Variants in ABRAXAS1 observed in about 807,000 individuals in gnomAD.
ABRAXAS1 encodes abraxas 1, BRCA1 A complex subunit, also known as BRCA1-A complex subunit Abraxas 1.
A neutral mutation model predicts 38.4 loss-of-function variants in ABRAXAS1; 26 were observed. That is an observed-to-expected ratio of 0.68 (90% CI 0.50 to 0.94). The LOEUF (loss-of-function observed/expected upper bound fraction) is 0.94. Ranked by LOEUF, ABRAXAS1 falls within the 40% of genes least tolerant of loss-of-function variation. The probability of loss-of-function intolerance (pLI) is 0.00; values close to 1 mark genes in which losing one functional copy is unlikely to be tolerated. For missense variants in ABRAXAS1, 438 were observed against 481.9 expected, an observed-to-expected ratio of 0.91 and a Z score of 0.85; for synonymous variants, 144 against 165.5, an observed-to-expected ratio of 0.87 and a Z score of 1.00.
At position 83,462,453 on chromosome 4, in the gene ABRAXAS1, T is replaced by C. The variant is rs1560570374; in HGVS notation, c.*16A>G. On this transcript the variant is annotated 3_prime_UTR_variant, in exon 9 of 9. Transcript: ENST00000321945. ...CATCAGCCAAATAAAAAAATCTCCT[T>C]GTAAGGTTAAAAGGATCAAAATGTA... 9 of 1,581,108 alleles carry C rather than the reference T, an allele frequency of 5.7e-6. No individual in the cohort carries two copies. The highest frequency in any genetic ancestry group is 1.7e-4 in the Middle Eastern group (1 of 5,904).
chr4:83,467,293 C>A, intron 7 of ABRAXAS1, 161 bp downstream of exon 7: 1 of 529,316 alleles, frequency 1.9e-6, no homozygotes, highest in Non-Finnish European at 3.3e-6. Flanking sequence ...AATGATAAAA[C>A]TGCCTAATGA....
At chr4:83,474,672 C>T (rs1722702833) in intron 3 of ABRAXAS1, among the ~76,000 whole-genome samples, 1 of 150,976 alleles carries the variant, frequency 6.6e-6, no homozygotes, top group Admixed American at 6.6e-5. Context: ...CGAGATTGCG[C>T]CACTGCACTC....
In ABRAXAS1 at chr4:83,474,069, G is replaced by C. The variant is rs959556752; in HGVS notation, c.216-1781C>G. On this transcript the variant is annotated intron_variant, in intron 3 of 8. Coordinates refer to ENST00000321945, the MANE Select transcript of ABRAXAS1 (RefSeq NM_139076.3). ...AGGTGGGAGAATCGCTTGAACCTGGGAGTTGGGAAGCTGCAGTGAACTGAG... is the reference window on the plus strand; with the variant it reads ...AGGTGGGAGAATCGCTTGAACCTGGCAGTTGGGAAGCTGCAGTGAACTGAG... Among the ~76,000 whole-genome samples the C allele has an allele frequency of 1.9e-4, 29 of 151,542 alleles. 2 individuals are homozygous for C. The highest frequency in any genetic ancestry group is 4.4e-5 in the Non-Finnish European group (3 of 67,934).
chr4:83,468,919 C>T, intron 6 of ABRAXAS1, 113 bp downstream of exon 6: 1 of 1,250,810 alleles, frequency 8.0e-7, no homozygotes, highest in Non-Finnish European at 1.1e-6. Flanking sequence ...GCCTAGTTTA[C>T]TTGAGTAATG....
At chr4:83,464,534 T>A (rs908794793) in intron 7 of ABRAXAS1, among the ~76,000 whole-genome samples, 1 of 152,210 alleles carries the variant, frequency 6.6e-6, no homozygotes, top group Non-Finnish European at 1.5e-5. Context: ...GCAACTAATT[T>A]CCAACTGTAG....
intron 4 of ABRAXAS1, 117 bp from the exon 5 acceptor site, chr4:83,470,513 G>T: frequency 4.4e-6 from 3 of 687,736 alleles, no homozygotes; most frequent in South Asian, 5.5e-5. Flanking sequence ...AGAAAGATTT[G>T]GGGCATATAT....
In ABRAXAS1 at chr4:83,462,806, A is replaced by T. The variant is rs1230462780; in HGVS notation, c.893T>A (p.Val298Asp). Residue 298 changes from valine to aspartate, a missense_variant, in exon 9 of 9, where the codon GTT (valine) becomes GAT (aspartate). Transcript: ENST00000321945. ...FPNSEFLHSC[V>D]MSLKNRHVSK... Reference sequence around the variant, plus strand: ...AACATGTCTATTTTTTAAAGACATAACACATGAATGAAGAAATTCAGAATT... The same window carrying T: ...AACATGTCTATTTTTTAAAGACATATCACATGAATGAAGAAATTCAGAATT... 1 of 1,612,924 alleles carries T rather than the reference A, an allele frequency of 6.2e-7. No homozygotes were observed.
chr4:83,477,202 T>G (rs1045700810), intron 2 of ABRAXAS1, among the ~76,000 whole-genome samples: 1 of 152,224 alleles, frequency 6.6e-6, no homozygotes, highest in South Asian at 2.1e-4. Context: ...AGCTTAGCAC[T>G]GTACCTAATA....
rs1272488854 is a variant in ABRAXAS1, at chr4:83,482,098, A to G, written c.178+56T>C. 8.0e-6 allele frequency: 9 copies of G among 1,129,198 alleles called. No homozygotes were observed. In the Admixed American group the frequency reaches 1.6e-4, roughly 20 times the overall value. The allele number at this position is 1,129,198 out of a possible 1,614,324, so 69.9% of individuals were successfully genotyped here. On this transcript the variant is annotated intron_variant, in intron 2 of 8. Coordinates refer to ENST00000321945, the MANE Select transcript of ABRAXAS1 (RefSeq NM_139076.3). ...TTTACGCTGACCCCTTTCAGCATAA[A>G]CTATCAAATATAGGAGACACAGATG...
At chr4:83,483,489 C>A (rs1723066806) in intron 1 of ABRAXAS1, among the ~76,000 whole-genome samples, 1 of 152,040 alleles carries the variant, frequency 6.6e-6, no homozygotes, top group South Asian at 2.1e-4. Context: ...CCTTATGTTG[C>A]CCACGCTGGT....
rs1722066382 is a variant in ABRAXAS1 at position 83,460,783 on chromosome 4, G to A, written c.*1686C>T. 3.6e-6 allele frequency: 2 copies of A among 554,502 alleles called. No homozygotes were observed. The highest frequency in any genetic ancestry group is 1.9e-5 in the African/African-American group (1 of 52,614). The allele number at this position is 554,502 out of a possible 1,614,324, so 34.3% of individuals were successfully genotyped here. A position where few individuals can be genotyped will look rare whatever the true frequency, so the allele number is the denominator to read the frequency against. Reference sequence around the variant, plus strand: ...TATCCGGGTGTGGCGGTGCATGCCTGTAATTCCAGTTACTAAGGAGGCTGA... The same window carrying A: ...TATCCGGGTGTGGCGGTGCATGCCTATAATTCCAGTTACTAAGGAGGCTGA... On this transcript the variant is annotated 3_prime_UTR_variant, in exon 9 of 9. Coordinates refer to ENST00000321945, the MANE Select transcript of ABRAXAS1 (RefSeq NM_139076.3).
In ABRAXAS1 at chr4:83,463,529, A is replaced by G. The variant is rs369385726; in HGVS notation, c.761T>C (p.Ile254Thr). 8.1e-6 allele frequency: 13 copies of G among 1,611,076 alleles called. No individual in the cohort carries two copies. In the African/African-American group the frequency reaches 1.6e-4, roughly 20 times the overall value. The change falls in exon 8 of 9, where the codon ATT (isoleucine) becomes ACT (threonine). Residue 254 changes from isoleucine (I) to threonine (T), a missense_variant. By Grantham distance (89) the Ile-to-Thr change is moderately conservative. Coordinates refer to ENST00000321945, the MANE Select transcript of ABRAXAS1 (RefSeq NM_139076.3). ...VKDVNRLKRE[I>T]EKRRGAQIQA... ...AATCTGTGCTCCTCTCCTTTTCTCA[A>G]TTTCTCGTTTTAATCTGTTTACATC...
At chr4:83,463,878 G>T in intron 7 of ABRAXAS1, 1 of 207,676 alleles carries the variant, frequency 4.8e-6, no homozygotes, top group Non-Finnish European at 9.5e-6. Context: ...AAAATATACA[G>T]AAATAAACTG....
Position 83,485,077 on chromosome 4 carries a change from C to T in ABRAXAS1, c.-5G>A, listed in dbSNP as rs1420806723. ...CGACGTACTCTCCCCCTCCATGCTACCGCCGCCTCAGGCTACACAAGAGGA... is the reference window on the plus strand; with the variant it reads ...CGACGTACTCTCCCCCTCCATGCTATCGCCGCCTCAGGCTACACAAGAGGA... On this transcript the variant is annotated 5_prime_UTR_variant, in exon 1 of 9. Transcript: ENST00000321945. The T allele has an allele frequency of 6.3e-7, 1 of 1,585,686 alleles. No individual in the cohort carries two copies. The highest frequency in any genetic ancestry group is 1.7e-5 in the Admixed American group (1 of 57,784).
In ABRAXAS1 at chr4:83,462,560, T is replaced by C. The variant is rs587780264; in HGVS notation, c.1139A>G (p.Asp380Gly). The C allele has an allele frequency of 8.1e-5, 130 of 1,614,066 alleles. No individual in the cohort carries two copies. The highest frequency in any genetic ancestry group is 1.1e-4 in the Non-Finnish European group (127 of 1,180,036). The change falls in exon 9 of 9, where the codon GAT (aspartate) becomes GGT (glycine). Residue 380 changes from aspartate to glycine, a missense_variant. Physicochemically the swap from Asp to Gly is moderately conservative, Grantham distance 94 (BLOSUM62 -1). Around this residue, in one of 3 missense-constraint regions of ABRAXAS1, gnomAD observed 184 missense variants for 181.9 expected, o/e 1.01. Coordinates refer to ENST00000321945, the MANE Select transcript of ABRAXAS1 (RefSeq NM_139076.3). ...TGGGCTGCTCATTTTGGATGCTTTA[T>C]CTTGGTTACTACTACCAGTATCTGC... is the stretch of plus-strand genomic sequence containing the variant. Reference protein sequence around the residue: ...SKADTGSSNQDKASKMSSPET... With the variant: ...SKADTGSSNQGKASKMSSPET...
At position 83,472,283 on chromosome 4, in the gene ABRAXAS1, T is replaced by C; in HGVS notation, c.221A>G (p.Tyr74Cys). Residue 74 changes from tyrosine (Y) to cysteine (C), a missense_variant, in exon 4 of 9, where the codon TAT (tyrosine) becomes TGT (cysteine). This residue lies in a region of ABRAXAS1 where 194 missense variants were observed against 269.0 expected (regional missense o/e 0.72). Transcript: ENST00000321945. ...YIPCYQLFSFYNSSGEVNEQA... is the reference protein window; with the variant it reads ...YIPCYQLFSFCNSSGEVNEQA... ...CTCATTTACTTCGCCTGAAGAATTATAAAAGCTGTAAAAGCCAAAATTAAA... is the reference window on the plus strand; with the variant it reads ...CTCATTTACTTCGCCTGAAGAATTACAAAAGCTGTAAAAGCCAAAATTAAA... 2 of 1,496,868 alleles carry C rather than the reference T, an allele frequency of 1.3e-6. No homozygotes were observed. The highest frequency in any genetic ancestry group is 2.0e-4 in the Middle Eastern group (1 of 5,054). The allele number at this position is 1,496,868 out of a possible 1,614,324, so 92.7% of individuals were successfully genotyped here.
chr4:83,476,515 C>G, intron 3 of ABRAXAS1, 128 bp downstream of exon 3: 1 of 544,350 alleles, frequency 1.8e-6, no homozygotes, highest in Non-Finnish European at 3.2e-6. Context: ...TTAAAAAAAA[C>G]TTTCCATTCT....
Position 83,467,455 on chromosome 4 carries a change from T to G in ABRAXAS1, c.680A>C (p.Lys227Thr), listed in dbSNP as rs149091407. Residue 227 changes from lysine to threonine, a missense_variant and splice_region_variant, in exon 7 of 9, where the codon AAG becomes ACG. Coordinates refer to ENST00000321945, the MANE Select transcript of ABRAXAS1 (RefSeq NM_139076.3). ...EMYASLQEEL[K>T]SICKKVEDSE... Reference sequence around the variant, plus strand: ...GACGTGTTTGATATGTTAACTTACCTTTAATTCCTCTTGTAATGAAGCATA... The same window carrying G: ...GACGTGTTTGATATGTTAACTTACCGTTAATTCCTCTTGTAATGAAGCATA... 6.6e-5 allele frequency: 99 copies of G among 1,488,908 alleles called. No individual in the cohort carries two copies. The African/African-American group carries it at 1.3e-3, about 19-fold the overall frequency. 92.2% of individuals were successfully genotyped at this position (1,488,908 alleles called of 1,614,324 possible).
chr4:83,479,825 G>A (rs1445356491), intron 2 of ABRAXAS1: 1 of 152,822 alleles, frequency 6.5e-6, no homozygotes, highest in Non-Finnish European at 1.5e-5. Context: ...GCCAGGCGTG[G>A]TGGTGCATAC....
Sources: gnomAD v4.1 joint callset for allele counts (sites outside exome capture counted in the v4.1 genomes callset) on GRCh38, gnomAD v4.1.1 for gene constraint, gnomAD v4.1.1 regional missense constraint, MANE v1.5 for transcripts, NCBI Gene and HGNC (gene_info 2026-07-23, HGNC 2026-07-21) for gene names.